Variants in CHSY3 observed in about 807,000 individuals in gnomAD.
CHSY3 encodes the protein chondroitin sulfate synthase 3.
Under a neutral mutation model 67.2 loss-of-function variants are expected in CHSY3, and 35 were observed. The observed-to-expected ratio is 0.52, with a 90% CI of 0.40 to 0.69. The LOEUF (loss-of-function observed/expected upper bound fraction) is 0.69. CHSY3 is among the 30% of genes least tolerant of loss of function. The pLI is 0.00. For missense variants in CHSY3, 1,069 were observed against 1,138.5 expected, an observed-to-expected ratio of 0.94 and a Z score of 0.88; for synonymous variants, 474 against 434.7, an observed-to-expected ratio of 1.09 and a Z score of -1.12.
chr5:130,063,636 C>G (rs2149677861), intron 2 of CHSY3, among the ~76,000 whole-genome samples: 1 of 152,138 alleles, frequency 6.6e-6, no homozygotes, highest in South Asian at 2.1e-4. Context: ...TTTGTGCTAC[C>G]ACAACCGAAT....
chr5:129,955,742 C>T (rs1042503891), intron 2 of CHSY3, among the ~76,000 whole-genome samples: 1 of 152,074 alleles, frequency 6.6e-6, no homozygotes, highest in African/African-American at 2.4e-5. Context: ...TCTATGTGTC[C>T]ATGAGCTTTC....
intron 2 of CHSY3, among the ~76,000 whole-genome samples, chr5:129,914,232 T>G (rs1760666266): frequency 6.6e-6 from 1 of 152,032 alleles, no homozygotes; most frequent in East Asian, 1.9e-4. Context: ...TGCCTCAACC[T>G]CCCGAGTAGC....
chr5:129,960,547 G>C (rs189427888), intron 2 of CHSY3, among the ~76,000 whole-genome samples: 1 of 151,850 alleles, frequency 6.6e-6, no homozygotes, highest in Non-Finnish European at 1.5e-5. Context: ...ACTTAAATAC[G>C]TGAGAAAACG....
At chr5:130,123,283 A>G (rs1020856409) in intron 2 of CHSY3, among the ~76,000 whole-genome samples, 1 of 152,232 alleles carries the variant, frequency 6.6e-6, no homozygotes, top group Non-Finnish European at 1.5e-5. Context: ...TCTAATGAAT[A>G]TGCTGATTTT....
At chr5:129,954,650 T>A (rs1386872166) in intron 2 of CHSY3, among the ~76,000 whole-genome samples, 1 of 152,106 alleles carries the variant, frequency 6.6e-6, no homozygotes, top group Non-Finnish European at 1.5e-5. Flanking sequence ...TGTCCTCTCT[T>A]ATTTCCTTGA....
chr5:129,951,047 A>T (rs1762009937), intron 2 of CHSY3, among the ~76,000 whole-genome samples: 1 of 152,176 alleles, frequency 6.6e-6, no homozygotes, highest in Admixed American at 6.6e-5. Context: ...AGCATACACA[A>T]AGACCAATAG....
chr5:130,151,031 T>C (rs1769218830), intron 2 of CHSY3, among the ~76,000 whole-genome samples: 1 of 152,154 alleles, frequency 6.6e-6, no homozygotes, highest in Non-Finnish European at 1.5e-5. Flanking sequence ...TGCAGGAACA[T>C]TTTGTAAGCT....
chr5:130,040,488 C>CT (rs1764978506), intron 2 of CHSY3, among the ~76,000 whole-genome samples: 1 of 152,112 alleles, frequency 6.6e-6, no homozygotes, highest in Non-Finnish European at 1.5e-5. Flanking sequence ...AACTGTCTTT[C>CT]TTTGTCCATA....
At chr5:129,960,330 A>G (rs952566709) in intron 2 of CHSY3, among the ~76,000 whole-genome samples, 12 of 152,114 alleles carry the variant, frequency 7.9e-5, no homozygotes, top group Non-Finnish European at 1.3e-4. Context: ...CATGGTGAAT[A>G]CAATGTCTCC....
intron 2 of CHSY3, among the ~76,000 whole-genome samples, chr5:130,174,331 A>G (rs142041372): frequency 1.3e-5 from 2 of 151,720 alleles, no homozygotes; most frequent in Non-Finnish European, 2.9e-5. Context: ...AATGAAAACA[A>G]AATAACTTTC....
intron 2 of CHSY3, among the ~76,000 whole-genome samples, chr5:130,077,202 T>C (rs956458026): frequency 3.3e-5 from 5 of 151,948 alleles, no homozygotes; most frequent in African/African-American, 1.2e-4. Context: ...GGTGCCCACA[T>C]GTGGCCAGAA....
intron 2 of CHSY3, among the ~76,000 whole-genome samples, chr5:130,090,677 C>A (rs907004913): frequency 2.0e-5 from 3 of 152,134 alleles, no homozygotes; most frequent in Non-Finnish European, 2.9e-5. Flanking sequence ...TTTTTCTCCT[C>A]ATTGGTTAAT....
intron 2 of CHSY3, among the ~76,000 whole-genome samples, chr5:130,079,144 A>T (rs532920196): frequency 5.2e-4 from 79 of 152,222 alleles, no homozygotes; most frequent in African/African-American, 1.9e-3. Flanking sequence ...TTTCTCTTGT[A>T]TGCCTCAGAG....
At chr5:130,040,637 C>T (rs139262068) in intron 2 of CHSY3, among the ~76,000 whole-genome samples, 2 of 151,958 alleles carry the variant, frequency 1.3e-5, no homozygotes, top group African/African-American at 4.8e-5. Flanking sequence ...CAACTATAGT[C>T]GTGGAAATCA....
chr5:130,098,278 T>C (rs1363334514), intron 2 of CHSY3, among the ~76,000 whole-genome samples: 1 of 152,150 alleles, frequency 6.6e-6, no homozygotes. Context: ...TGCAGTACTT[T>C]AAAAAATCAT....
intron 2 of CHSY3, among the ~76,000 whole-genome samples, chr5:129,987,010 C>G (rs1763224795): frequency 6.6e-6 from 1 of 152,034 alleles, no homozygotes; most frequent in South Asian, 2.1e-4. Context: ...AAAGAGATAT[C>G]AAAAAATTAT....
chr5:130,125,418 G>GATAGATAGATAT (rs754207775), intron 2 of CHSY3, among the ~76,000 whole-genome samples: 13 of 150,112 alleles, frequency 8.7e-5, no homozygotes, highest in African/African-American at 3.2e-4. Flanking sequence ...TCCTGTCTCA[G>GATAGATAGATAT]ATAGATAGAT....
At chr5:130,132,048 T>C (rs767430179) in intron 2 of CHSY3, among the ~76,000 whole-genome samples, 61 of 152,222 alleles carry the variant, frequency 4.0e-4, no homozygotes, top group Non-Finnish European at 6.8e-4. Flanking sequence ...ACTATTCTTA[T>C]AGCATTATTC....
At chr5:130,104,876 T>C (rs1034105885) in intron 2 of CHSY3, among the ~76,000 whole-genome samples, 1 of 151,848 alleles carries the variant, frequency 6.6e-6, no homozygotes, top group Middle Eastern at 3.2e-3. Context: ...TAATTAGTGG[T>C]ACAGTAAAAT....
Sources: gnomAD v4.1 joint callset for allele counts (sites outside exome capture counted in the v4.1 genomes callset) on GRCh38, gnomAD v4.1.1 for gene constraint, MANE v1.5 for transcripts, NCBI Gene and HGNC (gene_info 2026-07-23, HGNC 2026-07-21) for gene names.